Variants in BBS12 observed in about 807,000 individuals in gnomAD.
BBS12 encodes the protein chaperonin-containing T-complex member BBS12.
Under a neutral mutation model 5.6 loss-of-function variants are expected in BBS12, and 5 were observed. The ratio of observed to expected loss-of-function variants is 0.89; its 90% CI spans 0.46 to 1.86. The LOEUF (loss-of-function observed/expected upper bound fraction) is 1.86, where lower values mean the gene tolerates loss of function less well. Among genes scored for constraint, BBS12 ranks in the 40% most tolerant of loss-of-function variants. BBS12 has a pLI of 0.01. For synonymous variants in BBS12, 308 were observed against 306.8 expected (o/e 1.00, Z -0.04); for missense variants, 748 against 830.4 (o/e 0.90, Z 1.22).
the BBS12 span, among the ~76,000 whole-genome samples, chr4:122,703,853 A>G: frequency 6.6e-6 from 1 of 152,048 alleles, no homozygotes; most frequent in Non-Finnish European, 1.5e-5. Flanking sequence ...TAATTAATTT[A>G]TTCATTTATT....
chr4:122,719,801 G>C, the BBS12 span, among the ~76,000 whole-genome samples: 2 of 152,194 alleles, frequency 1.3e-5, no homozygotes, highest in East Asian at 3.8e-4. Flanking sequence ...TAGATGAAGG[G>C]GTCTTGGGGA....
the BBS12 span, among the ~76,000 whole-genome samples, chr4:122,702,205 G>A: frequency 6.6e-6 from 1 of 152,216 alleles, no homozygotes; most frequent in African/African-American, 2.4e-5. Context: ...AGCACCCACA[G>A]TAGCTGGAAC....
At position 122,736,386 on chromosome 4, in the gene BBS12, A is replaced by G. The variant is rs551498993; in HGVS notation, c.-11+3502A>G. Reference sequence around the variant, plus strand: ...GATGAGCAAACAGTTGATTTAGATAATAAAAGGCTAATCATGCCCATCAAG... The same window carrying G: ...GATGAGCAAACAGTTGATTTAGATAGTAAAAGGCTAATCATGCCCATCAAG... On this transcript the variant is annotated intron_variant, in intron 1 of 1. Transcript: ENST00000314218. Among the ~76,000 whole-genome samples, 123 of 152,312 alleles carry G rather than the reference A, an allele frequency of 8.1e-4. 1 individual carries two copies. Among genetic ancestry groups the G allele is most frequent in the Non-Finnish European group, 1.3e-3 (86 of 68,008 alleles).
chr4:122,718,068 G>C, the BBS12 span, among the ~76,000 whole-genome samples: 1 of 152,148 alleles, frequency 6.6e-6, no homozygotes, highest in African/African-American at 2.4e-5. Flanking sequence ...GATGATAATA[G>C]CATCCAATAG....
chr4:122,720,673 T>C, the BBS12 span, among the ~76,000 whole-genome samples: 1 of 152,072 alleles, frequency 6.6e-6, no homozygotes, highest in Non-Finnish European at 1.5e-5. Context: ...ACAATTGGAA[T>C]CTTAGAAATA....
chr4:122,704,055 G>A, the BBS12 span, among the ~76,000 whole-genome samples: 3 of 152,148 alleles, frequency 2.0e-5, no homozygotes, highest in East Asian at 5.8e-4. Flanking sequence ...CCACTGTGTT[G>A]CCCAGGCTGG....
At chr4:122,724,077 A>G in the BBS12 span, among the ~76,000 whole-genome samples, 54 of 152,322 alleles carry the variant, frequency 3.5e-4, 1 homozygote, top group East Asian at 9.3e-3. Flanking sequence ...CACAAGTCTC[A>G]AGATGGAGGA....
chr4:122,736,605 C>A (rs1800787215), intron 1 of BBS12, among the ~76,000 whole-genome samples: 1 of 152,074 alleles, frequency 6.6e-6, no homozygotes. Flanking sequence ...ATTAAGCTGG[C>A]AAGTACTGAA....
Position 122,743,803 on chromosome 4 carries a change from G to T in BBS12, c.1911G>T (p.Leu637Phe). 6.2e-7 allele frequency: 1 copy of T among 1,613,260 alleles called. No individual in the cohort carries two copies. The highest frequency in any genetic ancestry group is 1.1e-5 in the South Asian group (1 of 90,792). ...CTGGCTCTCCTTCATCTTACATCTTGAATGAATATAGTAAACTAAATAGTA... is the reference window on the plus strand; with the variant it reads ...CTGGCTCTCCTTCATCTTACATCTTTAATGAATATAGTAAACTAAATAGTA... ...TDSGSPSSYI[L>F]NEYSKLNSRI... is the part of the protein sequence containing the mutation. Residue 637 changes from leucine (L) to phenylalanine (F), a missense_variant, in exon 2 of 2, where the codon TTG becomes TTT. Physicochemically the swap from Leu to Phe is conservative, Grantham distance 22. Transcript: ENST00000314218.
the BBS12 span, among the ~76,000 whole-genome samples, chr4:122,723,345 A>G: frequency 8.0e-3 from 1,213 of 152,344 alleles, 12 homozygotes; most frequent in African/African-American, 0.026. Context: ...ATAGACACCA[A>G]TGAAATTATT....
chr4:122,737,035 TTG>T (rs1264767579), intron 1 of BBS12, among the ~76,000 whole-genome samples: 3 of 152,234 alleles, frequency 2.0e-5, no homozygotes, highest in African/African-American at 7.2e-5. Flanking sequence ...TTCATGCCTT[TTG>T]TATCTAGGAA....
the BBS12 span, among the ~76,000 whole-genome samples, chr4:122,706,188 GTCTC>G: frequency 2.0e-5 from 3 of 151,798 alleles, no homozygotes; most frequent in Admixed American, 6.6e-5. Context: ...CTCTCTCTCT[GTCTC>G]TCTCTGTCTC....
At chr4:122,704,418 T>C in the BBS12 span, among the ~76,000 whole-genome samples, 2 of 152,240 alleles carry the variant, frequency 1.3e-5, no homozygotes, top group Non-Finnish European at 2.9e-5. Flanking sequence ...ACAGGATCAC[T>C]GTGACCTGAC....
intron 1 of BBS12, among the ~76,000 whole-genome samples, chr4:122,740,423 A>G (rs1415450842): frequency 6.6e-6 from 1 of 152,200 alleles, no homozygotes; most frequent in Admixed American, 6.5e-5. Flanking sequence ...TACCTTTCCC[A>G]TTGAACCTGT....
chr4:122,723,981 CTATT>C, the BBS12 span, among the ~76,000 whole-genome samples: 1 of 152,108 alleles, frequency 6.6e-6, no homozygotes, highest in African/African-American at 2.4e-5. Flanking sequence ...TGTAATAAGT[CTATT>C]TAATCTCATC....
At chr4:122,710,072 T>G in the BBS12 span, among the ~76,000 whole-genome samples, 1 of 152,228 alleles carries the variant, frequency 6.6e-6, no homozygotes, top group Non-Finnish European at 1.5e-5. Flanking sequence ...GCTCAAGTTT[T>G]TATCAGTTTT....
At chr4:122,708,526 T>C in the BBS12 span, among the ~76,000 whole-genome samples, 1 of 152,096 alleles carries the variant, frequency 6.6e-6, no homozygotes. Flanking sequence ...CTGACATATA[T>C]GGTATATTTC....
At chr4:122,713,285 A>G in the BBS12 span, among the ~76,000 whole-genome samples, 2 of 151,976 alleles carry the variant, frequency 1.3e-5, no homozygotes, top group East Asian at 3.8e-4. Context: ...TCTCAAATAA[A>G]TTCCCTTTAA....
the BBS12 span, among the ~76,000 whole-genome samples, chr4:122,720,106 A>G: frequency 1.3e-5 from 2 of 152,198 alleles, no homozygotes; most frequent in African/African-American, 4.8e-5. Context: ...ATAATAATAG[A>G]CCTAAAGATA....
Sources: allele counts gnomAD v4.1 joint callset (sites outside exome capture counted in the v4.1 genomes callset), GRCh38; gene constraint gnomAD v4.1.1; transcripts MANE v1.5; gene names NCBI Gene and HGNC (gene_info 2026-07-23, HGNC 2026-07-21).